IL1RAPL1: variants seen among roughly 807,000 people sequenced by gnomAD.
IL1RAPL1 encodes interleukin-1 receptor accessory protein-like 1.
IL1RAPL1 carries 3 observed loss-of-function variants against 48.4 expected under a neutral mutation model. The observed-to-expected ratio is 0.06, with a 90% CI of 0.03 to 0.16. The LOEUF is 0.16. IL1RAPL1 is among the 10% of genes least tolerant of loss of function. IL1RAPL1 has a pLI of 1.00. For synonymous variants in IL1RAPL1, 185 were observed against 187.7 expected (o/e 0.99, Z 0.12); for missense variants, 349 against 530.6 (o/e 0.66, Z 3.36).
At chrX:29,689,925 T>A (rs1382620055) in intron 6 of IL1RAPL1, among the ~76,000 whole-genome samples, 2 of 111,857 alleles carry the variant, frequency 1.8e-5, no homozygotes, top group Admixed American at 1.9e-4. Flanking sequence ...AATAAGGTAG[T>A]CTCATAATAC....
chrX:28,662,592 T>G (rs758659045), intron 1 of IL1RAPL1, among the ~76,000 whole-genome samples: 3 of 111,597 alleles, frequency 2.7e-5, no homozygotes, highest in Admixed American at 1.9e-4. Flanking sequence ...AGGATAAAGA[T>G]GTAGTGGTGT....
intron 2 of IL1RAPL1, among the ~76,000 whole-genome samples, chrX:29,112,367 C>T (rs1928589165): frequency 9.0e-6 from 1 of 111,486 alleles, no homozygotes; most frequent in Non-Finnish European, 1.9e-5. Context: ...TAAGATCATA[C>T]AAATATTCTC....
chrX:29,309,670 G>A (rs888272656), intron 3 of IL1RAPL1, among the ~76,000 whole-genome samples: 2 of 109,880 alleles, frequency 1.8e-5, no homozygotes, highest in Admixed American at 1.9e-4. Flanking sequence ...AAAATTAGCC[G>A]GACGTGGTGA....
chrX:29,610,942 A>G (rs772676237), intron 5 of IL1RAPL1, among the ~76,000 whole-genome samples: 3 of 112,507 alleles, frequency 2.7e-5, no homozygotes, highest in Non-Finnish European at 5.6e-5. Context: ...CTAGGGAGTC[A>G]TGCCCTACAA....
intron 2 of IL1RAPL1, among the ~76,000 whole-genome samples, chrX:28,806,703 A>T (rs752332051): frequency 1.8e-5 from 2 of 111,665 alleles, no homozygotes; most frequent in Admixed American, 9.6e-5. Context: ...CTCCGTGATG[A>T]ACAGTGATGA....
At chrX:29,813,063 G>T (rs1262794075) in intron 6 of IL1RAPL1, among the ~76,000 whole-genome samples, 1 of 111,497 alleles carries the variant, frequency 9.0e-6, no homozygotes, top group Non-Finnish European at 1.9e-5. Flanking sequence ...TCTATTAAAT[G>T]TGTGAAAAAC....
intron 5 of IL1RAPL1, among the ~76,000 whole-genome samples, chrX:29,653,974 A>AT (rs1361030780): frequency 9.3e-6 from 1 of 108,048 alleles, no homozygotes; most frequent in Non-Finnish European, 1.9e-5. Flanking sequence ...AATAAATAAA[A>AT]TGTTTGTTTT....
intron 3 of IL1RAPL1, among the ~76,000 whole-genome samples, chrX:29,351,902 A>G (rs1017929534): frequency 5.4e-5 from 6 of 111,720 alleles, no homozygotes; most frequent in African/African-American, 2.0e-4. Flanking sequence ...GTAAAGAAGG[A>G]TACTGGGAAG....
chrX:29,028,089 T>C (rs912342835), intron 2 of IL1RAPL1, among the ~76,000 whole-genome samples: 1 of 110,410 alleles, frequency 9.1e-6, no homozygotes, highest in Non-Finnish European at 1.9e-5. Flanking sequence ...GACATACCAT[T>C]TTTTGCAATG....
intron 2 of IL1RAPL1, among the ~76,000 whole-genome samples, chrX:28,905,396 A>T (rs956670919): frequency 5.4e-5 from 6 of 111,716 alleles, no homozygotes; most frequent in African/African-American, 1.6e-4. Context: ...ATGCTAAAAA[A>T]GTTTTTCCTT....
intron 5 of IL1RAPL1, among the ~76,000 whole-genome samples, chrX:29,493,579 C>T (rs1407872184): frequency 1.8e-5 from 2 of 111,701 alleles, no homozygotes; most frequent in Non-Finnish European, 3.8e-5. Flanking sequence ...TAATAATCCA[C>T]CCAGAGGGAA....
At chrX:29,017,242 C>T (rs984382616) in intron 2 of IL1RAPL1, among the ~76,000 whole-genome samples, 7 of 112,280 alleles carry the variant, frequency 6.2e-5, no homozygotes, top group Non-Finnish European at 1.3e-4. Flanking sequence ...ACCACTACCA[C>T]GTATTACGTG....
At chrX:29,267,470 T>C (rs191607816) in intron 2 of IL1RAPL1, among the ~76,000 whole-genome samples, 1 of 111,969 alleles carries the variant, frequency 8.9e-6, no homozygotes, top group African/African-American at 3.2e-5. Flanking sequence ...AACACACATA[T>C]ACACACACAA....
At chrX:28,971,888 G>GTGTGTGTA (rs1334788578) in intron 2 of IL1RAPL1, among the ~76,000 whole-genome samples, 20 of 105,737 alleles carry the variant, frequency 1.9e-4, no homozygotes, top group African/African-American at 7.0e-4. Context: ...GTGTGTGTGT[G>GTGTGTGTA]TGTGTGTGTG....
Position 29,668,976 on chromosome X carries a change from G to A in IL1RAPL1, c.778+472G>A, listed in dbSNP as rs138160799. On this transcript the variant is annotated intron_variant, in intron 6 of 10. Transcript: ENST00000378993. ...ATATAAATTTTGCTAGTTATATTTT[G>A]GATAATCTATTAATAAAATATGACC... Among the ~76,000 whole-genome samples the A allele has an allele frequency of 7.7e-3, 857 of 111,459 alleles. 9 individuals are homozygous for A. Among genetic ancestry groups the A allele is most frequent in the African/African-American group, 0.026 (814 of 30,770 alleles).
chrX:28,846,822 T>C (rs1921522029), intron 2 of IL1RAPL1, among the ~76,000 whole-genome samples: 2 of 112,170 alleles, frequency 1.8e-5, no homozygotes, highest in South Asian at 3.7e-4. Flanking sequence ...TGTCATGAGA[T>C]GCAGAAAAGC....
chrX:29,463,229 AAGAT>A (rs1030190804), intron 5 of IL1RAPL1, among the ~76,000 whole-genome samples: 1 of 111,946 alleles, frequency 8.9e-6, no homozygotes, highest in Admixed American at 9.5e-5. Flanking sequence ...AATCCAAAGA[AAGAT>A]AGACAAATAG....
chrX:28,624,044 G>C (rs1428413340), intron 1 of IL1RAPL1, among the ~76,000 whole-genome samples: 1 of 111,882 alleles, frequency 8.9e-6, no homozygotes, highest in Admixed American at 9.5e-5. Flanking sequence ...ATTTTAGGAA[G>C]AGTTTAGAAA....
intron 1 of IL1RAPL1, among the ~76,000 whole-genome samples, chrX:28,741,158 T>C (rs1935902136): frequency 8.9e-6 from 1 of 111,987 alleles, no homozygotes; most frequent in Admixed American, 9.5e-5. Flanking sequence ...TTCCTATCAG[T>C]AGTGTTTAAG....
Sources: gnomAD v4.1 joint callset for allele counts (sites outside exome capture counted in the v4.1 genomes callset) on GRCh38, gnomAD v4.1.1 for gene constraint, MANE v1.5 for transcripts, NCBI Gene and HGNC (gene_info 2026-07-23, HGNC 2026-07-21) for gene names.